The following PURG variants were observed in gnomAD, a reference collection of about 807,000 sequenced individuals.
PURG encodes the protein purine-rich element-binding protein gamma.
In PURG, 3 loss-of-function variants were observed where a neutral mutation model predicts 24.3. That is an observed-to-expected ratio of 0.12 (90% CI 0.06 to 0.32). The LOEUF (loss-of-function observed/expected upper bound fraction) is 0.32. Ranked by LOEUF, PURG falls within the 10% of genes least tolerant of loss-of-function variation. The probability of loss-of-function intolerance (pLI) is 1.00; values close to 1 mark genes in which losing one functional copy is unlikely to be tolerated. For missense variants in PURG, 371 were observed against 439.1 expected, an observed-to-expected ratio of 0.84 and a Z score of 1.39; for synonymous variants, 180 against 173.1, an observed-to-expected ratio of 1.04 and a Z score of -0.31.
chr8:31,005,946 A>T lies in PURG; in HGVS notation c.865-9249T>A, dbSNP rs114778089. ...GAGAAAGGAGACTGATGCACTTAACACTTACAGGTGGGAAGGAAACAAGAT... is the reference window on the plus strand; with the variant it reads ...GAGAAAGGAGACTGATGCACTTAACTCTTACAGGTGGGAAGGAAACAAGAT... On this transcript the variant is annotated intron_variant, in intron 1 of 1. Transcript: ENST00000339382. 7.0e-3 allele frequency among the ~76,000 whole-genome samples: 1,064 copies of T among 152,110 alleles called. 7 individuals carry two copies. Among genetic ancestry groups the T allele is most frequent in the African/African-American group, 0.024 (1,009 of 41,494 alleles).
downstream of PURG, among the ~76,000 whole-genome samples, chr8:31,030,283 G>A (rs1158120812): frequency 6.6e-6 from 1 of 152,000 alleles, no homozygotes; most frequent in African/African-American, 2.4e-5. Context: ...TGAAATCAGT[G>A]TTCTGGCTCT....
Position 30,999,354 on chromosome 8 carries a change from T to C in PURG, c.865-2657A>G, listed in dbSNP as rs185208950. Among the ~76,000 whole-genome samples the C allele has an allele frequency of 2.5e-3, 383 of 152,046 alleles. 1 individual carries two copies. Among genetic ancestry groups the C allele is most frequent in the African/African-American group, 8.7e-3 (362 of 41,566 alleles). Reference sequence around the variant, plus strand: ...TAAAATCAGGCACAAGATTAAGTGGTCATGATACCTAAAATATTCTTCTGG... The same window carrying C: ...TAAAATCAGGCACAAGATTAAGTGGCCATGATACCTAAAATATTCTTCTGG... On this transcript the variant is annotated intron_variant, in intron 1 of 1. Transcript: ENST00000339382.
At chr8:31,019,770 A>G (rs1368698922) in intron 1 of PURG, among the ~76,000 whole-genome samples, 1 of 149,122 alleles carries the variant, frequency 6.7e-6, no homozygotes, top group Non-Finnish European at 1.5e-5. Flanking sequence ...TGACCTTGTG[A>G]TCCACCCGCC....
intron 1 of PURG, among the ~76,000 whole-genome samples, chr8:31,023,544 CAAA>C (rs78871432): frequency 2.4e-5 from 3 of 122,788 alleles, no homozygotes; most frequent in Admixed American, 8.5e-5. Context: ...GACTGCATCT[CAAA>C]AAAAAAAAAA....
At chr8:31,005,572 G>A (rs1302790786) in intron 1 of PURG, among the ~76,000 whole-genome samples, 1 of 152,110 alleles carries the variant, frequency 6.6e-6, no homozygotes, top group African/African-American at 2.4e-5. Context: ...GGTCGGGGGA[G>A]TGTTGACTGA....
chr8:31,015,273 CACA>C (rs1254057498), intron 1 of PURG, among the ~76,000 whole-genome samples: 2 of 152,112 alleles, frequency 1.3e-5, no homozygotes, highest in East Asian at 3.9e-4. Flanking sequence ...CGCTACTGAA[CACA>C]ACATTACTGA....
exon 2 of PURG, chr8:30,996,485 T>A (rs563608089): frequency 2.3e-5 from 17 of 730,990 alleles, no homozygotes; most frequent in Non-Finnish European, 2.3e-6. Context: ...TTGTCTTCCC[T>A]TCCGTGGAGG....
At chr8:30,996,772 A>G in intron 1 of PURG, 1 of 1,098,046 alleles carries the variant, frequency 9.1e-7, no homozygotes, top group Non-Finnish European at 1.3e-6. Flanking sequence ...CACAGTACAA[A>G]CCCATAATTA....
rs111504917 is a variant in PURG, at chr8:31,004,744, A to T, written c.865-8047T>A. On this transcript the variant is annotated intron_variant, in intron 1 of 1. Coordinates refer to the PURG transcript ENST00000339382. ...AAACTAGTTTCTGAAGTCAAAGCAG[A>T]ACTATAAAGCGATGGAAACAGTCAT... 2.2e-3 allele frequency among the ~76,000 whole-genome samples: 338 copies of T among 152,346 alleles called. 1 individual carries two copies. The highest frequency in any genetic ancestry group is 7.4e-3 in the African/African-American group (308 of 41,578).
chr8:31,009,984 C>A (rs1188005421), intron 1 of PURG, among the ~76,000 whole-genome samples: 1 of 152,104 alleles, frequency 6.6e-6, no homozygotes, highest in African/African-American at 2.4e-5. Context: ...GTAGTACCAG[C>A]TACTCAGGAG....
intron 1 of PURG, among the ~76,000 whole-genome samples, chr8:31,003,651 A>G (rs777033821): frequency 1.3e-5 from 2 of 152,158 alleles, no homozygotes; most frequent in Non-Finnish European, 1.5e-5. Flanking sequence ...AATCCCAGGT[A>G]CTTGGGAGGC....
downstream of PURG, among the ~76,000 whole-genome samples, chr8:31,025,887 G>GC (rs1261954849): frequency 6.6e-6 from 1 of 151,756 alleles, no homozygotes; most frequent in Non-Finnish European, 1.5e-5. Context: ...CAGCACTCCA[G>GC]TTTTTACTCA....
chr8:31,020,989 TCA>T (rs1317793840), intron 1 of PURG, among the ~76,000 whole-genome samples: 1 of 152,194 alleles, frequency 6.6e-6, no homozygotes, highest in Non-Finnish European at 1.5e-5. Context: ...TGATTTGTAT[TCA>T]CACTGAAGTT....
At chr8:31,010,490 A>C (rs1363896481) in intron 1 of PURG, among the ~76,000 whole-genome samples, 1 of 152,254 alleles carries the variant, frequency 6.6e-6, no homozygotes, top group Non-Finnish European at 1.5e-5. Context: ...ATGTGATGAA[A>C]GCAACAAAAT....
At chr8:31,025,595 T>A (rs1350364274) in intron 1 of PURG, among the ~76,000 whole-genome samples, 1 of 151,922 alleles carries the variant, frequency 6.6e-6, no homozygotes, top group African/African-American at 2.4e-5. Context: ...CTCTGGTTGC[T>A]TTAATTCATA....
At chr8:31,005,735 T>A (rs767090284) in intron 1 of PURG, among the ~76,000 whole-genome samples, 51 of 151,510 alleles carry the variant, frequency 3.4e-4, no homozygotes, top group Non-Finnish European at 6.2e-4. Context: ...ACATTCCTTC[T>A]AAAGCATCAG....
intron 1 of PURG, among the ~76,000 whole-genome samples, chr8:30,997,874 T>C (rs950756499): frequency 6.6e-6 from 1 of 151,804 alleles, no homozygotes; most frequent in East Asian, 1.9e-4. Flanking sequence ...GAAACAGCTA[T>C]ACACAGCAGC....
chr8:31,024,131 G>T (rs191784625), intron 1 of PURG, among the ~76,000 whole-genome samples: 256 of 152,248 alleles, frequency 1.7e-3, no homozygotes, highest in Non-Finnish European at 3.1e-3. Flanking sequence ...ATAAGGACTA[G>T]AAACAAAATT....
At chr8:31,027,970 T>C (rs922807036), downstream of PURG, among the ~76,000 whole-genome samples, 1 of 151,774 alleles carries the variant, frequency 6.6e-6, no homozygotes, top group African/African-American at 2.4e-5. Flanking sequence ...TGAATGTTCT[T>C]TAAATAATGC....
Sources: gnomAD v4.1 joint callset for allele counts (sites outside exome capture counted in the v4.1 genomes callset) on GRCh38, gnomAD v4.1.1 for gene constraint, MANE v1.5 for transcripts, NCBI Gene and HGNC (gene_info 2026-07-23, HGNC 2026-07-21) for gene names.